Variants in EBF1 observed in about 807,000 individuals in gnomAD.
EBF1 encodes the protein EBF transcription factor 1.
Under a neutral mutation model 68.4 loss-of-function variants are expected in EBF1, and 10 were observed. The ratio of observed to expected loss-of-function variants is 0.15; its 90% CI spans 0.09 to 0.25. The LOEUF is 0.25. Ranked by LOEUF, EBF1 falls within the 10% of genes least tolerant of loss-of-function variation. The pLI, the probability that EBF1 is intolerant of heterozygous loss-of-function variation, is 1.00. For missense variants in EBF1, 509 were observed against 794.4 expected (o/e 0.64, Z 4.32); for synonymous variants, 298 against 299.8 (o/e 0.99, Z 0.06).
At chr5:159,056,248 T>C (rs776269646) in intron 6 of EBF1, among the ~76,000 whole-genome samples, 1 of 152,244 alleles carries the variant, frequency 6.6e-6, no homozygotes, top group Non-Finnish European at 1.5e-5. Context: ...ATTTAGTTGG[T>C]TGACTACATT....
intron 5 of EBF1, among the ~76,000 whole-genome samples, chr5:159,084,179 A>C (rs979213562): frequency 6.6e-6 from 1 of 152,000 alleles, no homozygotes; most frequent in African/African-American, 2.4e-5. Flanking sequence ...GAAAAAAAAA[A>C]CCCACATGCA....
intron 8 of EBF1, among the ~76,000 whole-genome samples, chr5:158,812,698 C>T (rs1290686249): frequency 2.6e-5 from 4 of 152,070 alleles, no homozygotes; most frequent in Non-Finnish European, 4.4e-5. Context: ...AATTGATGGG[C>T]GATCCTGCCC....
chr5:158,776,630 A>G (rs1775326243), intron 10 of EBF1, among the ~76,000 whole-genome samples: 1 of 152,182 alleles, frequency 6.6e-6, no homozygotes, highest in Non-Finnish European at 1.5e-5. Context: ...CAGAGGGCCC[A>G]GAACCGCACT....
At chr5:158,908,614 T>C (rs2127347338) in intron 6 of EBF1, among the ~76,000 whole-genome samples, 1 of 152,356 alleles carries the variant, frequency 6.6e-6, no homozygotes, top group East Asian at 1.9e-4. Flanking sequence ...GTATTGTTAC[T>C]TCCACCCTGA....
intron 6 of EBF1, among the ~76,000 whole-genome samples, chr5:159,028,486 A>G (rs1381815030): frequency 1.3e-5 from 2 of 152,206 alleles, no homozygotes; most frequent in Admixed American, 1.3e-4. Flanking sequence ...ATTGGGCTGG[A>G]ATGTAATGGT....
intron 6 of EBF1, among the ~76,000 whole-genome samples, chr5:158,971,155 G>A (rs546035359): frequency 6.6e-6 from 1 of 152,314 alleles, no homozygotes; most frequent in Non-Finnish European, 1.5e-5. Flanking sequence ...TGAAATCTGG[G>A]CACGCCCATC....
chr5:158,776,752 C>T (rs2127676300), intron 10 of EBF1, among the ~76,000 whole-genome samples: 1 of 152,202 alleles, frequency 6.6e-6, no homozygotes, highest in South Asian at 2.1e-4. Context: ...GTAAAAGATC[C>T]CTGGGTATTT....
intron 8 of EBF1, among the ~76,000 whole-genome samples, chr5:158,818,834 T>C (rs1233212788): frequency 6.6e-6 from 1 of 152,034 alleles, no homozygotes; most frequent in African/African-American, 2.4e-5. Context: ...TCAGAGCTCA[T>C]GAACACTAAC....
In EBF1 at chr5:158,971,257, G is replaced by A. The variant is rs116486621; in HGVS notation, c.554+102139C>T. Reference sequence around the variant, plus strand: ...ACGTGGATGATGAAAGTCACAGAGCGAGCGAGCATTGATCTGATTTCCATG... The same window carrying A: ...ACGTGGATGATGAAAGTCACAGAGCAAGCGAGCATTGATCTGATTTCCATG... On this transcript the variant is annotated intron_variant, in intron 6 of 15. Coordinates refer to ENST00000313708, the MANE Select transcript of EBF1 (RefSeq NM_024007.5). 3.1e-3 allele frequency among the ~76,000 whole-genome samples: 475 copies of A among 152,296 alleles called. 3 individuals are homozygous for A. The highest frequency in any genetic ancestry group is 0.011 in the African/African-American group (448 of 41,566).
At chr5:158,757,933 G>A (rs1368081222) in intron 10 of EBF1, among the ~76,000 whole-genome samples, 2 of 152,084 alleles carry the variant, frequency 1.3e-5, no homozygotes, top group Non-Finnish European at 2.9e-5. Flanking sequence ...ATAGTACGAG[G>A]CACTGGAAAT....
intron 6 of EBF1, among the ~76,000 whole-genome samples, chr5:159,015,837 G>T (rs563191798): frequency 6.6e-6 from 1 of 152,176 alleles, no homozygotes; most frequent in African/African-American, 2.4e-5. Flanking sequence ...CCTAGACTTA[G>T]CCTGAAAAGC....
intron 11 of EBF1, among the ~76,000 whole-genome samples, chr5:158,721,389 A>G (rs1761905482): frequency 6.6e-6 from 1 of 152,190 alleles, no homozygotes; most frequent in African/African-American, 2.4e-5. Context: ...ATGGAAAGAA[A>G]GGCTGTTTTC....
rs1380154475 is a variant in EBF1 at position 158,895,382 on chromosome 5, A to G, written c.555-55272T>C. ...CTCAAAATAAAATTGTAACGATAAT[A>G]TTTGTTTGGCTATTCTATAATAAAA... On this transcript the variant is annotated intron_variant, in intron 6 of 15. Coordinates refer to ENST00000313708, the MANE Select transcript of EBF1 (RefSeq NM_024007.5). 3.3e-5 allele frequency among the ~76,000 whole-genome samples: 5 copies of G among 152,206 alleles called. No homozygotes were observed. The East Asian group carries it at 9.6e-4, about 29-fold the overall frequency.
intron 6 of EBF1, among the ~76,000 whole-genome samples, chr5:158,854,493 G>A (rs1793582295): frequency 6.6e-6 from 1 of 152,232 alleles, no homozygotes; most frequent in Non-Finnish European, 1.5e-5. Context: ...TGAAGGCAGT[G>A]CATATTTACC....
At chr5:158,777,313 G>T in intron 10 of EBF1, 100 bp downstream of exon 10, 2 of 1,289,908 alleles carry the variant, frequency 1.6e-6, no homozygotes, top group Non-Finnish European at 2.0e-6. Flanking sequence ...GCTTTAACTA[G>T]ATTTTAAAAT....
In EBF1 at chr5:158,818,833, A is replaced by T. The variant is rs77980632; in HGVS notation, c.778+4343T>A. Reference sequence around the variant, plus strand: ...TAAGTAGGACCCCAGGTCAGAGCTCATGAACACTAACATGTTTATATTCTA... The same window carrying T: ...TAAGTAGGACCCCAGGTCAGAGCTCTTGAACACTAACATGTTTATATTCTA... On this transcript the variant is annotated intron_variant, in intron 8 of 15. Coordinates refer to ENST00000313708, the MANE Select transcript of EBF1 (RefSeq NM_024007.5). Among the ~76,000 whole-genome samples, 322 of 152,264 alleles carry T rather than the reference A, an allele frequency of 2.1e-3. 2 individuals carry two copies. The East Asian group carries it at 0.033, about 16-fold the overall frequency.
chr5:159,036,020 T>C (rs1769981809), intron 6 of EBF1, among the ~76,000 whole-genome samples: 1 of 152,190 alleles, frequency 6.6e-6, no homozygotes, highest in Admixed American at 6.5e-5. Flanking sequence ...TCATATCACC[T>C]TGCCTTTCTC....
chr5:158,728,643 A>C (rs1763470233), intron 11 of EBF1, among the ~76,000 whole-genome samples: 2 of 152,150 alleles, frequency 1.3e-5, no homozygotes, highest in Admixed American at 1.3e-4. Flanking sequence ...GTCTCACTGC[A>C]GCCTTGACCA....
intron 6 of EBF1, among the ~76,000 whole-genome samples, chr5:158,940,737 T>TCTGACTGC (rs1304163570): frequency 9.9e-5 from 12 of 121,522 alleles, no homozygotes; most frequent in Non-Finnish European, 5.0e-5. Context: ...CAATTAGCCT[T>TCTGACTGC]CTGACTGCAC....
Sources: allele counts gnomAD v4.1 joint callset (sites outside exome capture counted in the v4.1 genomes callset), GRCh38; gene constraint gnomAD v4.1.1; transcripts MANE v1.5; gene names NCBI Gene and HGNC (gene_info 2026-07-23, HGNC 2026-07-21).